HTT-AS: variants seen among roughly 807,000 people sequenced by gnomAD.
HTT-AS encodes the protein HTT antisense RNA, also known as HTT antisense RNA (head to head).
intron 2 of HTT-AS, among the ~76,000 whole-genome samples, chr4:3,056,249 T>G (rs1216639013): frequency 2.0e-5 from 3 of 152,244 alleles, no homozygotes; most frequent in African/African-American, 7.2e-5. Flanking sequence ...GATTCGTGAA[T>G]TGGGCAGTCC....
At chr4:3,047,056 A>G (rs537878901), downstream of HTT-AS, among the ~76,000 whole-genome samples, 2 of 152,364 alleles carry the variant, frequency 1.3e-5, no homozygotes, top group Admixed American at 6.5e-5. Flanking sequence ...TTACGCCTAT[A>G]ATCCCAGCAC....
chr4:3,055,581 T>G (rs901974048), intron 2 of HTT-AS, among the ~76,000 whole-genome samples: 2 of 152,250 alleles, frequency 1.3e-5, no homozygotes, highest in African/African-American at 4.8e-5. Context: ...AATGTTCCAC[T>G]GTAGTCATCT....
intron 1 of HTT-AS, among the ~76,000 whole-genome samples, chr4:3,065,954 C>G (rs1712041018): frequency 6.6e-6 from 1 of 152,246 alleles, no homozygotes; most frequent in Non-Finnish European, 1.5e-5. Context: ...TCAGGAGGAA[C>G]TTCCATGTAC....
downstream of HTT-AS, among the ~76,000 whole-genome samples, chr4:3,046,911 G>A (rs1255719493): frequency 6.6e-6 from 1 of 152,198 alleles, no homozygotes; most frequent in Non-Finnish European, 1.5e-5. Flanking sequence ...TTTCTGTCCA[G>A]GTTCTCACTT....
In HTT-AS at chr4:3,062,312, G is replaced by A. The variant is rs368129851; in HGVS notation, n.1380+122C>T. On this transcript the variant is annotated intron_variant and non_coding_transcript_variant, in intron 2 of 2. Transcript: ENST00000664062. ...CCCGAAATGCTGGGATTACAGGCATGAGCCAGCATGCCCGGCCTAGTCTAC... is the reference window on the plus strand; with the variant it reads ...CCCGAAATGCTGGGATTACAGGCATAAGCCAGCATGCCCGGCCTAGTCTAC... 4.6e-5 allele frequency among the ~76,000 whole-genome samples: 7 copies of A among 152,158 alleles called. No individual in the cohort carries two copies. The South Asian group carries it at 8.3e-4, about 18-fold the overall frequency.
chr4:3,056,181 T>C (rs1313771), intron 2 of HTT-AS, among the ~76,000 whole-genome samples: 77,432 of 151,996 alleles, frequency 0.51, 20,087 homozygotes, highest in South Asian at 0.75. Context: ...TCTGACACCA[T>C]GTTAAAAGAA....
chr4:3,070,927 G>T (rs1024526995), intron 1 of HTT-AS, among the ~76,000 whole-genome samples: 1 of 152,216 alleles, frequency 6.6e-6, no homozygotes, highest in African/African-American at 2.4e-5. Flanking sequence ...CACCATGCCA[G>T]ACTGCCCAGT....
chr4:3,056,601 A>G (rs1002094686), intron 2 of HTT-AS, among the ~76,000 whole-genome samples: 2 of 152,208 alleles, frequency 1.3e-5, no homozygotes, highest in Admixed American at 6.5e-5. Context: ...CTATATGACC[A>G]AACTGCCCTT....
rs368830030 is a variant in HTT-AS at position 3,073,776 on chromosome 4, C to T, written n.113+650G>A. On this transcript the variant is annotated intron_variant and non_coding_transcript_variant, in intron 1 of 2. Coordinates refer to ENST00000664062, the Ensembl canonical transcript of HTT-AS. ...TCAGGTCGTGCCGACCACGCGCATT[C>T]TCTGCGCTCTGCGCAGGAGCTCGCC... is the stretch of plus-strand genomic sequence containing the variant. 5.9e-5 allele frequency among the ~76,000 whole-genome samples: 9 copies of T among 152,296 alleles called. No individual in the cohort carries two copies. The South Asian group carries it at 1.9e-3, about 32-fold the overall frequency.
chr4:3,067,707 A>T (rs1308160775), intron 1 of HTT-AS, among the ~76,000 whole-genome samples: 1 of 152,166 alleles, frequency 6.6e-6, no homozygotes, highest in Non-Finnish European at 1.5e-5. Context: ...TGAAAAGAAC[A>T]TCCTGACCTT....
At chr4:3,050,866 T>C (rs1195130249) in intron 2 of HTT-AS, among the ~76,000 whole-genome samples, 1 of 152,214 alleles carries the variant, frequency 6.6e-6, no homozygotes, top group Admixed American at 6.5e-5. Flanking sequence ...TTAGGGGATC[T>C]CTGTAACACC....
intron 2 of HTT-AS, among the ~76,000 whole-genome samples, chr4:3,061,377 G>T (rs1248899741): frequency 1.3e-5 from 2 of 152,166 alleles, no homozygotes; most frequent in Admixed American, 6.6e-5. Flanking sequence ...TCCAAAGGAG[G>T]CAATCAGAAT....
chr4:3,067,738 G>C (rs140338329), intron 1 of HTT-AS, among the ~76,000 whole-genome samples: 1 of 152,136 alleles, frequency 6.6e-6, no homozygotes, highest in Non-Finnish European at 1.5e-5. Flanking sequence ...CACCGAGGGG[G>C]ATCTGCGTTC....
At chr4:3,048,509 T>A (rs980695116), downstream of HTT-AS, among the ~76,000 whole-genome samples, 1 of 152,178 alleles carries the variant, frequency 6.6e-6, no homozygotes, top group Non-Finnish European at 1.5e-5. Context: ...CCAGGGTCCC[T>A]ATACACCAAA....
At chr4:3,066,268 CA>C (rs1330108733) in intron 1 of HTT-AS, among the ~76,000 whole-genome samples, 1 of 152,096 alleles carries the variant, frequency 6.6e-6, no homozygotes, top group Non-Finnish European at 1.5e-5. Flanking sequence ...CTCCCTGGTT[CA>C]AGCGATTCTC....
intron 1 of HTT-AS, among the ~76,000 whole-genome samples, chr4:3,069,389 C>T (rs959162699): frequency 4.0e-5 from 6 of 151,792 alleles, no homozygotes; most frequent in Admixed American, 6.6e-5. Context: ...CTCCTGACCT[C>T]AGGCGATCTG....
chr4:3,074,168 C>T (rs1256875415), intron 1 of HTT-AS, among the ~76,000 whole-genome samples: 3 of 134,616 alleles, frequency 2.2e-5, no homozygotes, highest in Admixed American at 1.5e-4. Flanking sequence ...TCCCGCTCCG[C>T]CCCTCAGCCG....
intron 1 of HTT-AS, among the ~76,000 whole-genome samples, chr4:3,073,557 T>C (rs543617606): frequency 2.0e-5 from 3 of 152,350 alleles, no homozygotes; most frequent in South Asian, 4.1e-4. Flanking sequence ...CTTGTGGCCA[T>C]AGCTGCTTCT....
intron 2 of HTT-AS, among the ~76,000 whole-genome samples, chr4:3,051,663 A>C (rs1204252462): frequency 1.3e-5 from 2 of 151,610 alleles, no homozygotes; most frequent in Non-Finnish European, 2.9e-5. Context: ...TAAAAAAAAA[A>C]AAATCACTGC....
Sources: gnomAD v4.1 joint callset for allele counts (sites outside exome capture counted in the v4.1 genomes callset) on GRCh38, gnomAD v4.1.1 for gene constraint, MANE v1.5 for transcripts, NCBI Gene and HGNC (gene_info 2026-07-23, HGNC 2026-07-21) for gene names.